CTNNA2: variants seen among roughly 807,000 people sequenced by gnomAD.
CTNNA2 encodes catenin alpha 2.
A neutral mutation model predicts 101.0 loss-of-function variants in CTNNA2; 42 were observed. The ratio of observed to expected loss-of-function variants is 0.42; its 90% CI spans 0.32 to 0.54. The LOEUF (loss-of-function observed/expected upper bound fraction) is 0.54, where lower values mean the gene tolerates loss of function less well. Among genes scored for constraint, CTNNA2 ranks in the 20% least tolerant of loss-of-function variants. The probability of loss-of-function intolerance (pLI) is 0.14; values close to 1 mark genes in which losing one functional copy is unlikely to be tolerated. For synonymous variants in CTNNA2, 450 were observed against 456.4 expected (o/e 0.99, Z 0.18); for missense variants, 871 against 1,223.1 (o/e 0.71, Z 4.29).
At chr2:79,198,901 T>C (rs1673996966) in intron 2 of CTNNA2, among the ~76,000 whole-genome samples, 2 of 152,198 alleles carry the variant, frequency 1.3e-5, no homozygotes, top group South Asian at 4.1e-4. Context: ...AACTTATTCA[T>C]GAGGAAACTG....
At chr2:80,614,309 C>T (rs146806030) in intron 17 of CTNNA2, among the ~76,000 whole-genome samples, 1 of 151,262 alleles carries the variant, frequency 6.6e-6, no homozygotes, top group East Asian at 1.9e-4. Context: ...AACAATACAG[C>T]AATAAAAATA....
At chr2:79,287,294 G>T (rs1330553668) in intron 2 of CTNNA2, among the ~76,000 whole-genome samples, 1 of 152,236 alleles carries the variant, frequency 6.6e-6, no homozygotes, top group Non-Finnish European at 1.5e-5. Context: ...TCCGTTGCTG[G>T]TGAGGAACTG....
chr2:79,638,395 A>T (rs1270305952), intron 1 of CTNNA2, among the ~76,000 whole-genome samples: 1 of 152,214 alleles, frequency 6.6e-6, no homozygotes, highest in Admixed American at 6.5e-5. Flanking sequence ...TTTCTGTATC[A>T]AAAGCTTAAT....
intron 3 of CTNNA2, among the ~76,000 whole-genome samples, chr2:79,794,701 T>G (rs2105269043): frequency 6.6e-6 from 1 of 152,308 alleles, no homozygotes; most frequent in East Asian, 1.9e-4. Context: ...AACTGAAACG[T>G]AAAGTGAGCA....
At chr2:79,620,197 A>G (rs1338167067) in intron 1 of CTNNA2, among the ~76,000 whole-genome samples, 1 of 152,168 alleles carries the variant, frequency 6.6e-6, no homozygotes, top group Non-Finnish European at 1.5e-5. Context: ...ACTTCTGATC[A>G]CAGTTTAGGA....
chr2:79,323,780 C>T (rs1676679731), intron 3 of CTNNA2, among the ~76,000 whole-genome samples: 3 of 152,120 alleles, frequency 2.0e-5, no homozygotes, highest in African/African-American at 7.2e-5. Context: ...GTGGGAGTTT[C>T]TCAAAGAGTT....
At chr2:80,461,274 A>G (rs1413851513) in intron 9 of CTNNA2, among the ~76,000 whole-genome samples, 7 of 152,160 alleles carry the variant, frequency 4.6e-5, no homozygotes, top group African/African-American at 9.7e-5. Context: ...CATGCCTGAC[A>G]TGATGTCTGA....
chr2:80,324,487 C>T (rs1258435422), intron 7 of CTNNA2, among the ~76,000 whole-genome samples: 2 of 152,128 alleles, frequency 1.3e-5, no homozygotes, highest in African/African-American at 4.8e-5. Context: ...ATTTCATGTA[C>T]AACACAATCA....
intron 7 of CTNNA2, among the ~76,000 whole-genome samples, chr2:79,996,104 C>T (rs930558168): frequency 3.9e-5 from 6 of 152,038 alleles, no homozygotes; most frequent in African/African-American, 1.4e-4. Context: ...AGTGAAACAC[C>T]TAAGATGGTG....
chr2:79,965,102 A>G (rs965891966), intron 7 of CTNNA2, among the ~76,000 whole-genome samples: 12 of 152,090 alleles, frequency 7.9e-5, no homozygotes, highest in Admixed American at 3.3e-4. Flanking sequence ...TGTTCAAGTC[A>G]CTCCGAGGAG....
At chr2:79,434,033 C>T (rs1021759667) in intron 4 of CTNNA2, among the ~76,000 whole-genome samples, 1 of 152,134 alleles carries the variant, frequency 6.6e-6, no homozygotes, top group African/African-American at 2.4e-5. Flanking sequence ...GCAGCTCATA[C>T]CTGTAATCCC....
Position 79,747,376 on chromosome 2 carries a change from A to T in CTNNA2, c.298+2794A>T, listed in dbSNP as rs534100106. 1.8e-4 allele frequency among the ~76,000 whole-genome samples: 28 copies of T among 152,204 alleles called. No individual in the cohort carries two copies. In the South Asian group the frequency reaches 5.8e-3, roughly 32 times the overall value. On this transcript the variant is annotated intron_variant, in intron 3 of 18. Coordinates refer to ENST00000402739, the MANE Select transcript of CTNNA2 (RefSeq NM_001282597.3). ...TTGTGGGTTTTTTAGGTTGACTGCC[A>T]TATAATAAACTGTATGCACTTAAAA... is the stretch of plus-strand genomic sequence containing the variant.
At chr2:79,477,436 G>A (rs887432517) in intron 4 of CTNNA2, among the ~76,000 whole-genome samples, 2 of 152,046 alleles carry the variant, frequency 1.3e-5, no homozygotes, top group Admixed American at 1.3e-4. Context: ...CTCCCAAAGT[G>A]CTAGGATTAC....
chr2:80,545,062 C>A lies in CTNNA2; in HGVS notation c.1371C>A (p.Ser457Arg). The change falls in exon 10 of 19, where the codon AGC becomes AGA. Residue 457 changes from serine (S) to arginine (R), a missense_variant. Ser to Arg is a moderately radical substitution (Grantham distance 110). Transcript: ENST00000402739. ...GGATGGCAGCCACCCAGATTGACAG[C>A]CTGTGTCCCCAGGTAAGCCTCATTC... ...LVRMAATQID[S>R]LCPQVINAAL... 6.2e-7 allele frequency: 1 copy of A among 1,613,958 alleles called. No homozygotes were observed. The highest frequency in any genetic ancestry group is 8.5e-7 in the Non-Finnish European group (1 of 1,179,906).
chr2:79,965,943 A>G (rs1003328393), intron 7 of CTNNA2, among the ~76,000 whole-genome samples: 2 of 152,186 alleles, frequency 1.3e-5, no homozygotes, highest in Admixed American at 1.3e-4. Flanking sequence ...ATCTTGAAAC[A>G]TCTAAAAATA....
At chr2:79,817,684 G>T (rs957116166) in intron 3 of CTNNA2, among the ~76,000 whole-genome samples, 1 of 152,150 alleles carries the variant, frequency 6.6e-6, no homozygotes, top group Non-Finnish European at 1.5e-5. Context: ...AACCTAGATC[G>T]AGAACACGAG....
intron 9 of CTNNA2, among the ~76,000 whole-genome samples, chr2:80,529,028 A>G (rs578056595): frequency 6.6e-6 from 1 of 152,346 alleles, no homozygotes; most frequent in Non-Finnish European, 1.5e-5. Context: ...AACTTGGGAA[A>G]TACGAGCAGA....
At chr2:79,690,648 C>T (rs951318345) in intron 2 of CTNNA2, among the ~76,000 whole-genome samples, 3 of 151,776 alleles carry the variant, frequency 2.0e-5, no homozygotes, top group African/African-American at 7.3e-5. Context: ...TATTATTCGC[C>T]CCATTTTGCA....
chr2:79,931,671 GT>G (rs1371099322), intron 7 of CTNNA2, among the ~76,000 whole-genome samples: 1 of 152,076 alleles, frequency 6.6e-6, no homozygotes, highest in South Asian at 2.1e-4. Context: ...CTGGAAGTTT[GT>G]TTTTTTAACT....
Sources: gnomAD v4.1 joint callset for allele counts (sites outside exome capture counted in the v4.1 genomes callset) on GRCh38, gnomAD v4.1.1 for gene constraint, MANE v1.5 for transcripts, NCBI Gene and HGNC (gene_info 2026-07-23, HGNC 2026-07-21) for gene names.